ZC3HAV1L: variants seen among roughly 807,000 people sequenced by gnomAD.
The protein encoded by ZC3HAV1L is ZC3HAV1 like, also known as zinc finger CCCH-type antiviral protein 1-like.
Under a neutral mutation model 28.2 loss-of-function variants are expected in ZC3HAV1L, and 23 were observed. That is an observed-to-expected ratio of 0.82 (90% CI 0.59 to 1.16). The LOEUF is 1.16. Among genes scored for constraint, ZC3HAV1L ranks in the 50% most tolerant of loss-of-function variants. The probability of loss-of-function intolerance (pLI) is 0.00; values close to 1 mark genes in which losing one functional copy is unlikely to be tolerated. For synonymous variants in ZC3HAV1L, 180 were observed against 163.4 expected, an observed-to-expected ratio of 1.10 and a Z score of -0.78; for missense variants, 376 against 387.7, an observed-to-expected ratio of 0.97 and a Z score of 0.25.
chr7:139,033,190 C>G (rs536462846), intron 2 of ZC3HAV1L, among the ~76,000 whole-genome samples: 5 of 126,164 alleles, frequency 4.0e-5, no homozygotes, highest in African/African-American at 1.5e-4. Flanking sequence ...GAGAGTAAGA[C>G]CCTGTCTCAA....
At position 139,028,807 on chromosome 7, in the gene ZC3HAV1L, A is replaced by C; in HGVS notation, c.655T>G (p.Leu219Val). Residue 219 changes from leucine (L) to valine (V), a missense_variant, in exon 3 of 5, where the codon TTG becomes GTG. Transcript: ENST00000275766. The stretch of plus-strand genomic sequence containing the variant: ...AGTCCTTGGTCCTGTAGCAGCTTCA[A>C]AGATGCAGCATGGATAAGCTGATGG... ...RSHQLIHAAS[L>V]KLLQDQGLNI... 1 of 1,614,172 alleles carries C rather than the reference A, an allele frequency of 6.2e-7. No homozygotes were observed. The highest frequency in any genetic ancestry group is 8.5e-7 in the Non-Finnish European group (1 of 1,180,026).
Position 139,028,750 on chromosome 7 carries a change from T to G in ZC3HAV1L, c.712A>C (p.Ile238Leu). ...AGCTTCATATGCTTGTAGGTGGAGA[T>G]TATCTGAAAATTAACAACACTTGGA... ...NIPSVVNFQIISTYKHMKLHK... is the reference protein window; with the variant it reads ...NIPSVVNFQILSTYKHMKLHK... The change falls in exon 3 of 5, where the codon ATC (isoleucine) becomes CTC (leucine). Residue 238 changes from isoleucine to leucine, a missense_variant. Physicochemically the swap from Ile to Leu is conservative, Grantham distance 5. Coordinates refer to ENST00000275766, the MANE Select transcript of ZC3HAV1L (RefSeq NM_080660.4). The G allele has an allele frequency of 1.2e-6, 2 of 1,614,158 alleles. No homozygotes were observed. The highest frequency in any genetic ancestry group is 1.7e-6 in the Non-Finnish European group (2 of 1,180,032).
At chr7:139,022,634 G>A (rs76166456), downstream of ZC3HAV1L, among the ~76,000 whole-genome samples, 6,119 of 152,234 alleles carry the variant, frequency 0.04, 207 homozygotes, top group South Asian at 0.14. Context: ...TCCATTATAT[G>A]GCAAAAAATA....
rs1013444078 is a variant in ZC3HAV1L, at chr7:139,034,961, G to A, written c.366-283C>T. On this transcript the variant is annotated intron_variant, in intron 1 of 4. Coordinates refer to ENST00000275766, the MANE Select transcript of ZC3HAV1L (RefSeq NM_080660.4). Reference sequence around the variant, plus strand: ...ATCTGTTCCGTAGGCGACTGCACCTGGCCTTCTCCCCGGCAACAGCTGCCA... The same window carrying A: ...ATCTGTTCCGTAGGCGACTGCACCTAGCCTTCTCCCCGGCAACAGCTGCCA... 4.1e-6 allele frequency: 4 copies of A among 985,298 alleles called. No individual in the cohort carries two copies. In the Admixed American group the frequency reaches 2.5e-4, roughly 61 times the overall value. The allele number at this position is 985,298 out of a possible 1,614,324, so 61.0% of individuals were successfully genotyped here. A position where few individuals can be genotyped will look rare whatever the true frequency, so the allele number is the denominator to read the frequency against.
chr7:139,023,191 A>AAAAAAAAAAAAAAAAC (rs1815282153), downstream of ZC3HAV1L, among the ~76,000 whole-genome samples: 1 of 151,372 alleles, frequency 6.6e-6, no homozygotes. Context: ...AGAAAAAAAA[A>AAAAAAAAAAAAAAAAC]AAAAAAAAAA....
intron 2 of ZC3HAV1L, among the ~76,000 whole-genome samples, chr7:139,033,289 AT>A (rs1815592242): frequency 1.3e-5 from 2 of 152,030 alleles, no homozygotes; most frequent in South Asian, 4.1e-4. Flanking sequence ...TATTTTAAAA[AT>A]TTTTATGACA....
rs1209357656 is a variant in ZC3HAV1L at position 139,035,916 on chromosome 7, C to T, written c.102G>A (p.Glu34=). The T allele has an allele frequency of 1.3e-6, 2 of 1,513,028 alleles. No homozygotes were observed. Among genetic ancestry groups the T allele is most frequent in the Non-Finnish European group, 1.8e-6 (2 of 1,138,328 alleles). The allele number at this position is 1,513,028 out of a possible 1,614,324, so 93.7% of individuals were successfully genotyped here. Residue 34 remains glutamate (E), a synonymous_variant, in exon 1 of 5, where the codon GAG becomes GAA. Coordinates refer to ENST00000275766, the MANE Select transcript of ZC3HAV1L (RefSeq NM_080660.4). ...KDLRGHVELS[E]ARLRDVLQRA... ...GCTGCAGCACGTCCCGGAGCCTGGCCTCCGACAGCTCCACGTGGCCGCGCA... is the reference window on the plus strand; with the variant it reads ...GCTGCAGCACGTCCCGGAGCCTGGCTTCCGACAGCTCCACGTGGCCGCGCA...
chr7:139,033,900 G>A (rs1815612360), intron 2 of ZC3HAV1L: 1 of 985,204 alleles, frequency 1.0e-6, no homozygotes, highest in African/African-American at 1.7e-5. Flanking sequence ...TCTACTTTGG[G>A]CAACATGGTT....
chr7:139,030,685 G>A (rs922458529), intron 2 of ZC3HAV1L, among the ~76,000 whole-genome samples: 2 of 150,512 alleles, frequency 1.3e-5, no homozygotes, highest in Non-Finnish European at 2.9e-5. Flanking sequence ...AAATTAGCCA[G>A]TCATGGTGGC....
chr7:139,023,242 C>T (rs1312152786), downstream of ZC3HAV1L, among the ~76,000 whole-genome samples: 1 of 143,398 alleles, frequency 7.0e-6, no homozygotes, highest in Non-Finnish European at 1.5e-5. Context: ...GACAAAATAG[C>T]ACATTCCAGA....
chr7:139,026,981 T>C (rs1441023686), intron 3 of ZC3HAV1L, 148 bp from the exon 4 acceptor site: 1 of 890,694 alleles, frequency 1.1e-6, no homozygotes, highest in Non-Finnish European at 1.6e-6. Flanking sequence ...AAAAATTGTA[T>C]GTGTGTGTGT....
chr7:139,028,946 G>A lies in ZC3HAV1L; in HGVS notation c.516C>T (p.Tyr172=). Residue 172 remains tyrosine, a synonymous_variant, in exon 3 of 5, where the codon TAC becomes TAT. Coordinates refer to ENST00000275766, the MANE Select transcript of ZC3HAV1L (RefSeq NM_080660.4). ...PCLLPEVCLL[Y]NKGEALYGYC... is the part of the protein sequence containing the mutation. The stretch of plus-strand genomic sequence containing the variant: ...AGCCATACAGGGCTTCCCCTTTGTT[G>A]TAGAGCAAACAGACCTGGTACAGAA... 1.9e-6 allele frequency: 3 copies of A among 1,613,738 alleles called. No homozygotes were observed. Among genetic ancestry groups the A allele is most frequent in the Non-Finnish European group, 2.5e-6 (3 of 1,179,704 alleles).
At chr7:139,023,606 A>T (rs1815291657), downstream of ZC3HAV1L, among the ~76,000 whole-genome samples, 1 of 152,250 alleles carries the variant, frequency 6.6e-6, no homozygotes, top group African/African-American at 2.4e-5. Context: ...CCATATGATT[A>T]GCTTTGTTTT....
downstream of ZC3HAV1L, among the ~76,000 whole-genome samples, chr7:139,021,574 T>C (rs1407961444): frequency 2.0e-5 from 3 of 152,002 alleles, no homozygotes; most frequent in Non-Finnish European, 4.4e-5. Context: ...AAAGAACATA[T>C]ACTATAACCA....
At chr7:139,024,356 T>C (rs866838475), downstream of ZC3HAV1L, among the ~76,000 whole-genome samples, 2 of 151,950 alleles carry the variant, frequency 1.3e-5, no homozygotes, top group Non-Finnish European at 2.9e-5. Context: ...TGATAAGATA[T>C]AAAAACAGAA....
chr7:139,028,861 C>A lies in ZC3HAV1L; in HGVS notation c.601G>T (p.Glu201Ter). 2 of 1,614,230 alleles carry A rather than the reference C, an allele frequency of 1.2e-6. No homozygotes were observed. The highest frequency in any genetic ancestry group is 8.5e-7 in the Non-Finnish European group (1 of 1,180,042). The change falls in exon 3 of 5, where the codon GAA becomes TAA. Residue 201 changes from glutamate to a stop codon, truncating the protein, a stop_gained. Coordinates refer to ENST00000275766, the MANE Select transcript of ZC3HAV1L (RefSeq NM_080660.4). LOFTEE classifies it high-confidence loss of function. Reference sequence around the variant, plus strand: ...CGTTTGCAGGTCTGAAGTTTGCATTCTCCTTTCACAAAGGATTTGCACACA... The same window carrying A: ...CGTTTGCAGGTCTGAAGTTTGCATTATCCTTTCACAAAGGATTTGCACACA... ...FHVCKSFVKG[E>*]CKLQTCKRSH...
rs200934582 is a variant in ZC3HAV1L at position 139,026,563 on chromosome 7, G to A, written c.887-3C>T. The A allele has an allele frequency of 6.2e-7, 1 of 1,612,814 alleles. No homozygotes were observed. The highest frequency in any genetic ancestry group is 2.2e-5 in the East Asian group (1 of 44,884). On this transcript the variant is annotated splice_region_variant and splice_polypyrimidine_tract_variant and intron_variant, in intron 4 of 4. Coordinates refer to ENST00000275766, the MANE Select transcript of ZC3HAV1L (RefSeq NM_080660.4). ...TCTTCTTTACTTCTCGCAAGACACT[G>A]TGAGGTAGATATTATTATGACCATT...
At chr7:139,035,146 C>T (rs1815663011) in intron 1 of ZC3HAV1L, 1 of 985,350 alleles carries the variant, frequency 1.0e-6, no homozygotes, top group Non-Finnish European at 1.2e-6. Context: ...ACCACAGGGC[C>T]TCACCCAAGC....
rs1563114989 is a variant in ZC3HAV1L, at chr7:139,030,830, AT to A, written c.502-1871del. ...TGAGTCTCCATCTCAAAAAATAATA[AT>A]AATTAATTAATTAATTAATTAATTA... On this transcript the variant is annotated intron_variant, in intron 2 of 4. Coordinates refer to ENST00000275766, the MANE Select transcript of ZC3HAV1L (RefSeq NM_080660.4). Among the ~76,000 whole-genome samples the A allele has an allele frequency of 3.2e-4, 16 of 50,004 alleles. No homozygotes were observed. The South Asian group carries it at 5.3e-3, about 17-fold the overall frequency. The allele number at this position is 50,004 out of a possible 152,430, so 32.8% of individuals were successfully genotyped here.
Sources: allele counts gnomAD v4.1 joint callset (sites outside exome capture counted in the v4.1 genomes callset), GRCh38; gene constraint gnomAD v4.1.1; transcripts MANE v1.5; gene names NCBI Gene and HGNC (gene_info 2026-07-23, HGNC 2026-07-21).